ANKRD12: variants seen among roughly 807,000 people sequenced by gnomAD.
ANKRD12 encodes ankyrin repeat domain-containing protein 12.
A neutral mutation model predicts 183.4 loss-of-function variants in ANKRD12; 85 were observed. The ratio of observed to expected loss-of-function variants is 0.46; its 90% confidence interval spans 0.39 to 0.56. The LOEUF (loss-of-function observed/expected upper bound fraction) is 0.56. Among genes scored for constraint, ANKRD12 ranks in the 20% least tolerant of loss-of-function variants. ANKRD12 has a pLI of 0.00. For synonymous variants in ANKRD12, 914 were observed against 800.2 expected, an observed-to-expected ratio of 1.14 and a Z score of -2.40; for missense variants, 2,405 against 2,357.1, an observed-to-expected ratio of 1.02 and a Z score of -0.42.
intron 9 of ANKRD12, among the ~76,000 whole-genome samples, chr18:9,262,594 A>G (rs1226510569): frequency 6.6e-6 from 1 of 151,258 alleles, no homozygotes; most frequent in Non-Finnish European, 1.5e-5. Context: ...TGAGTTGCTG[A>G]GGCTACAGGC....
chr18:9,165,815 T>C (rs12970249), intron 1 of ANKRD12, among the ~76,000 whole-genome samples: 118,131 of 149,628 alleles, frequency 0.79, 46,869 homozygotes, highest in Middle Eastern at 0.89. Context: ...GTGTGCTGCA[T>C]CCATTAACTC....
chr18:9,167,248 GT>G (rs541341012), intron 1 of ANKRD12, among the ~76,000 whole-genome samples: 2,034 of 152,206 alleles, frequency 0.013, 50 homozygotes, highest in African/African-American at 0.047. Context: ...TTCCAATTCT[GT>G]GAAGAAAGTC....
At chr18:9,142,458 A>G (rs1260139899) in intron 1 of ANKRD12, among the ~76,000 whole-genome samples, 1 of 152,244 alleles carries the variant, frequency 6.6e-6, no homozygotes, top group African/African-American at 2.4e-5. Flanking sequence ...CTAAAGGAAG[A>G]GAAAGGAGAG....
intron 10 of ANKRD12, among the ~76,000 whole-genome samples, chr18:9,264,961 G>A (rs949188919): frequency 6.6e-6 from 1 of 152,226 alleles, no homozygotes; most frequent in African/African-American, 2.4e-5. Context: ...TGAGCAAACG[G>A]CATACCAGGA....
chr18:9,204,067 A>C (rs2035339630), intron 3 of ANKRD12, among the ~76,000 whole-genome samples: 1 of 152,234 alleles, frequency 6.6e-6, no homozygotes, highest in Non-Finnish European at 1.5e-5. Context: ...AAAGTGTTTT[A>C]CTGTCTCCAG....
At chr18:9,158,016 A>C (rs2030864444) in intron 1 of ANKRD12, among the ~76,000 whole-genome samples, 1 of 152,198 alleles carries the variant, frequency 6.6e-6, no homozygotes, top group Admixed American at 6.5e-5. Context: ...ACACAAAGTC[A>C]ATATGAGGTA....
Position 9,156,150 on chromosome 18 carries a change from A to AAAG in ANKRD12, c.-52+19187_-52+19188insGAA, listed in dbSNP as rs892628874. 1.4e-3 allele frequency among the ~76,000 whole-genome samples: 212 copies of AAAG among 151,152 alleles called. 1 individual carries two copies. The highest frequency in any genetic ancestry group is 1.6e-3 in the Non-Finnish European group (109 of 67,704). ...GAGACTCTGTCTCAAAAAAAAAAAAAAAAAAGAAAAAGACTTTTGACTTTT... is the reference window on the plus strand; with the variant it reads ...GAGACTCTGTCTCAAAAAAAAAAAAAAAGAAAAAGAAAAAGACTTTTGACTTTT... On this transcript the variant is annotated intron_variant, in intron 1 of 12. Coordinates refer to ENST00000262126, the MANE Select transcript of ANKRD12 (RefSeq NM_015208.5).
chr18:9,235,662 A>G (rs1215384246), intron 8 of ANKRD12: 1 of 456,304 alleles, frequency 2.2e-6, no homozygotes, highest in Admixed American at 2.3e-5. Context: ...TTTGCAGGAA[A>G]TGCCAAGCTC....
At chr18:9,237,462 T>C (rs1439935837) in intron 8 of ANKRD12, among the ~76,000 whole-genome samples, 3 of 152,186 alleles carry the variant, frequency 2.0e-5, no homozygotes, top group African/African-American at 4.8e-5. Flanking sequence ...CTATGTTTAT[T>C]ATAACATTCT....
intron 8 of ANKRD12, among the ~76,000 whole-genome samples, chr18:9,236,657 C>T (rs988087699): frequency 2.6e-5 from 4 of 151,730 alleles, no homozygotes; most frequent in Non-Finnish European, 4.4e-5. Flanking sequence ...ACAGAACTAA[C>T]GTGTATAATA....
chr18:9,243,637 A>G (rs2037784344), intron 8 of ANKRD12, among the ~76,000 whole-genome samples: 1 of 152,224 alleles, frequency 6.6e-6, no homozygotes, highest in South Asian at 2.1e-4. Flanking sequence ...TTGGAATTCA[A>G]GATAATATAT....
chr18:9,144,071 A>G (rs2078412754), intron 1 of ANKRD12, among the ~76,000 whole-genome samples: 1 of 152,194 alleles, frequency 6.6e-6, no homozygotes, highest in African/African-American at 2.4e-5. Context: ...TAGCTAATGC[A>G]TGAGGAAATA....
chr18:9,197,354 C>T (rs895767272), intron 3 of ANKRD12, among the ~76,000 whole-genome samples: 16 of 152,264 alleles, frequency 1.1e-4, no homozygotes, highest in Non-Finnish European at 1.9e-4. Flanking sequence ...AACACTTATT[C>T]TTCCTTTTGA....
At chr18:9,247,103 C>T (rs1252414396) in intron 8 of ANKRD12, among the ~76,000 whole-genome samples, 1 of 152,110 alleles carries the variant, frequency 6.6e-6, no homozygotes, top group Non-Finnish European at 1.5e-5. Context: ...GACTGTTACA[C>T]TTTCTGTTGG....
intron 8 of ANKRD12, among the ~76,000 whole-genome samples, chr18:9,239,270 T>A (rs2144973630): frequency 6.6e-6 from 1 of 152,386 alleles, no homozygotes; most frequent in Admixed American, 6.5e-5. Flanking sequence ...TTGCTGTCGC[T>A]TCTGAAAATT....
intron 1 of ANKRD12, among the ~76,000 whole-genome samples, chr18:9,180,000 G>A (rs1355668350): frequency 6.6e-6 from 1 of 152,122 alleles, no homozygotes; most frequent in Non-Finnish European, 1.5e-5. Flanking sequence ...GATTAACGGC[G>A]TTTTTCTGTT....
At chr18:9,168,498 T>C (rs970210752) in intron 1 of ANKRD12, among the ~76,000 whole-genome samples, 2 of 152,230 alleles carry the variant, frequency 1.3e-5, no homozygotes, top group East Asian at 3.8e-4. Flanking sequence ...TTTTCTAGTT[T>C]ATTTGTATAG....
intron 2 of ANKRD12, among the ~76,000 whole-genome samples, chr18:9,188,935 CTAAG>C (rs2144299377): frequency 6.6e-6 from 1 of 152,240 alleles, no homozygotes; most frequent in Non-Finnish European, 1.5e-5. Flanking sequence ...TCAGTGGTCT[CTAAG>C]TATTCAAGTG....
intron 10 of ANKRD12, among the ~76,000 whole-genome samples, chr18:9,265,175 C>T (rs2039214490): frequency 6.6e-6 from 1 of 152,246 alleles, no homozygotes; most frequent in Admixed American, 6.5e-5. Flanking sequence ...GGCCTGCCTG[C>T]CTCTGTAGAC....
Sources: gnomAD v4.1 joint callset for allele counts (sites outside exome capture counted in the v4.1 genomes callset) on GRCh38, gnomAD v4.1.1 for gene constraint, MANE v1.5 for transcripts, NCBI Gene and HGNC (gene_info 2026-07-23, HGNC 2026-07-21) for gene names.